Variants in EML6 observed in about 807,000 individuals in gnomAD.
The protein encoded by EML6 is echinoderm microtubule-associated protein-like 6.
Under a neutral mutation model 240.1 loss-of-function variants are expected in EML6, and 154 were observed. That is an observed-to-expected ratio of 0.64 (90% CI 0.56 to 0.73). The LOEUF (loss-of-function observed/expected upper bound fraction) is 0.73, where lower values mean the gene tolerates loss of function less well. EML6 is among the 30% of genes least tolerant of loss of function. The pLI is 0.00. For missense variants in EML6, 2,964 were observed against 2,474.6 expected (o/e 1.20, Z -4.20); for synonymous variants, 1,148 against 899.0 (o/e 1.28, Z -4.95).
intron 2 of EML6, among the ~76,000 whole-genome samples, chr2:54,731,457 T>C (rs984023661): frequency 3.9e-5 from 6 of 151,994 alleles, no homozygotes; most frequent in Admixed American, 3.3e-4. Context: ...CTGGGCAGCA[T>C]AGGGAGACCC....
rs147502426 is a variant in EML6 at position 54,820,502 on chromosome 2, A to G, written c.525+40A>G. ...TTTTTAATTTTGGTACCTTGAGTGC[A>G]AATAATTTTAGGTGTTTGTATAGAT... On this transcript the variant is annotated intron_variant, in intron 5 of 41. Coordinates refer to ENST00000356458, the MANE Select transcript of EML6 (RefSeq NM_001039753.4). The G allele has an allele frequency of 1.2e-3, 1,431 of 1,203,488 alleles. 14 individuals carry two copies. In the African/African-American group the frequency reaches 0.019, roughly 16 times the overall value. 74.6% of individuals were successfully genotyped at this position (1,203,488 alleles called of 1,614,324 possible).
At chr2:54,728,830 T>A (rs2104367821) in intron 2 of EML6, among the ~76,000 whole-genome samples, 1 of 152,312 alleles carries the variant, frequency 6.6e-6, no homozygotes, top group Non-Finnish European at 1.5e-5. Context: ...TCTCCTAACC[T>A]ACCATCCTAT....
chr2:54,848,301 A>G (rs1669879516), intron 9 of EML6, among the ~76,000 whole-genome samples: 1 of 152,208 alleles, frequency 6.6e-6, no homozygotes. Flanking sequence ...TAGAAAATAA[A>G]TGCAGCTATA....
intron 2 of EML6, among the ~76,000 whole-genome samples, chr2:54,739,736 G>A (rs1434118231): frequency 1.3e-5 from 2 of 152,240 alleles, no homozygotes. Context: ...GCGGTTGGTG[G>A]TTAGGGAAGG....
At chr2:54,752,556 C>T (rs1337038564) in intron 2 of EML6, among the ~76,000 whole-genome samples, 1 of 152,100 alleles carries the variant, frequency 6.6e-6, no homozygotes, top group Non-Finnish European at 1.5e-5. Context: ...AAAATATGTT[C>T]TCTTTTGTGT....
chr2:54,797,352 A>G (rs562340274), intron 2 of EML6, among the ~76,000 whole-genome samples: 2 of 152,088 alleles, frequency 1.3e-5, no homozygotes, highest in South Asian at 4.2e-4. Flanking sequence ...AGAAATGAAT[A>G]TGGTCTGGCC....
At chr2:54,905,438 A>G (rs1673277855) in intron 24 of EML6, among the ~76,000 whole-genome samples, 1 of 151,586 alleles carries the variant, frequency 6.6e-6, no homozygotes, top group African/African-American at 2.4e-5. Flanking sequence ...ATTAAAACCC[A>G]TTATTGTTTC....
intron 2 of EML6, among the ~76,000 whole-genome samples, chr2:54,796,863 C>T (rs1669810266): frequency 6.6e-6 from 1 of 151,912 alleles, no homozygotes; most frequent in African/African-American, 2.4e-5. Context: ...GACTCCTCAC[C>T]CTGTGGCCAG....
chr2:54,934,098 C>T (rs917332562), intron 28 of EML6, among the ~76,000 whole-genome samples: 3 of 151,998 alleles, frequency 2.0e-5, no homozygotes, highest in African/African-American at 7.3e-5. Context: ...TAGCCGTGTG[C>T]GAGTATTATA....
At chr2:54,949,984 G>C (rs1234042130) in intron 29 of EML6, among the ~76,000 whole-genome samples, 2 of 152,166 alleles carry the variant, frequency 1.3e-5, no homozygotes, top group African/African-American at 4.8e-5. Context: ...GCAGTTCCCT[G>C]CCCACACCCC....
intron 26 of EML6, among the ~76,000 whole-genome samples, chr2:54,919,242 T>TC (rs5831329): frequency 0.066 from 8,507 of 127,932 alleles, 335 homozygotes; most frequent in Non-Finnish European, 0.079. Flanking sequence ...CTATTTTGCT[T>TC]CCCCCCCCCC....
At chr2:54,962,758 C>T (rs1255819246) in intron 36 of EML6, 47 bp downstream of exon 36, 6 of 1,401,348 alleles carry the variant, frequency 4.3e-6, no homozygotes, top group Non-Finnish European at 5.6e-6. Flanking sequence ...GTGGGCTGCG[C>T]GGCAGTGGGA....
chr2:54,872,196 T>C (rs1671292120), intron 16 of EML6, among the ~76,000 whole-genome samples: 1 of 152,164 alleles, frequency 6.6e-6, no homozygotes, highest in African/African-American at 2.4e-5. Context: ...TTAAGTTCCT[T>C]TAGAGTGAGT....
rs947517475 is a variant in EML6 at position 54,966,931 on chromosome 2, CTG to C, written c.5494-66_5494-65del. 7.0e-6 allele frequency: 7 copies of C among 1,004,110 alleles called. No homozygotes were observed. The East Asian group carries it at 1.3e-4, about 19-fold the overall frequency. 62.2% of individuals were successfully genotyped at this position (1,004,110 alleles called of 1,614,324 possible). On this transcript the variant is annotated intron_variant, in intron 38 of 41. Coordinates refer to ENST00000356458, the MANE Select transcript of EML6 (RefSeq NM_001039753.4). The stretch of plus-strand genomic sequence containing the variant: ...AGAGGCTGGGCAGTGTTCTGGGAAA[CTG>C]TGCCCAAAGGGAGTCTGTGGGACTG...
At chr2:54,834,914 TTA>T (rs1669055583) in intron 7 of EML6, among the ~76,000 whole-genome samples, 1 of 152,206 alleles carries the variant, frequency 6.6e-6, no homozygotes, top group Non-Finnish European at 1.5e-5. Flanking sequence ...TATTTGAACT[TTA>T]TGTGAGCCAG....
At chr2:54,875,990 A>T (rs1342541117) in intron 16 of EML6, among the ~76,000 whole-genome samples, 1 of 152,194 alleles carries the variant, frequency 6.6e-6, no homozygotes, top group Non-Finnish European at 1.5e-5. Context: ...TGAGTCCTGA[A>T]TAGAGAGACC....
At chr2:54,930,701 C>T (rs947288905) in intron 28 of EML6, among the ~76,000 whole-genome samples, 1 of 152,064 alleles carries the variant, frequency 6.6e-6, no homozygotes, top group Non-Finnish European at 1.5e-5. Flanking sequence ...TCCTAGGTAA[C>T]TTTAAAAGCC....
intron 26 of EML6, among the ~76,000 whole-genome samples, chr2:54,927,603 C>G (rs910460479): frequency 1.3e-5 from 2 of 152,190 alleles, no homozygotes; most frequent in African/African-American, 4.8e-5. Context: ...GATTTTGCAC[C>G]ACTTGTCAGG....
At chr2:54,871,422 C>G in intron 15 of EML6, 78 bp from the exon 16 acceptor site, 1 of 1,050,048 alleles carries the variant, frequency 9.5e-7, no homozygotes, top group Non-Finnish European at 1.4e-6. Context: ...GGTTTCTGAG[C>G]AGTGTTGGAC....
Sources: gnomAD v4.1 joint callset for allele counts (sites outside exome capture counted in the v4.1 genomes callset) on GRCh38, gnomAD v4.1.1 for gene constraint, MANE v1.5 for transcripts, NCBI Gene and HGNC (gene_info 2026-07-23, HGNC 2026-07-21) for gene names.